The following OTOGL variants were observed in gnomAD, a reference collection of about 807,000 sequenced individuals.
OTOGL encodes the protein otogelin-like protein.
Under a neutral mutation model 318.5 loss-of-function variants are expected in OTOGL, and 285 were observed. That is an observed-to-expected ratio of 0.89 (90% CI 0.81 to 0.99). The LOEUF is 0.99. OTOGL is among the 50% of genes least tolerant of loss of function. The pLI is 0.00. For synonymous variants in OTOGL, 987 were observed against 936.5 expected (o/e 1.05, Z -0.99); for missense variants, 2,899 against 2,845.6 (o/e 1.02, Z -0.43).
At chr12:80,252,913 TAA>T (rs887084028) in intron 13 of OTOGL, among the ~76,000 whole-genome samples, 1 of 152,166 alleles carries the variant, frequency 6.6e-6, no homozygotes, top group Non-Finnish European at 1.5e-5. Flanking sequence ...AGCACCAAAA[TAA>T]AGTCAGTGCT....
At chr12:80,192,059 T>C (rs1417548781) in intron 1 of OTOGL, among the ~76,000 whole-genome samples, 3 of 152,264 alleles carry the variant, frequency 2.0e-5, no homozygotes, top group Non-Finnish European at 4.4e-5. Flanking sequence ...GTATCAAGAC[T>C]GATCCTAACC....
chr12:80,136,801 A>T lies in OTOGL; in HGVS notation c.-20+37196A>T, dbSNP rs7311459. 7.0e-3 allele frequency among the ~76,000 whole-genome samples: 1,069 copies of T among 152,106 alleles called. 12 individuals are homozygous for T. The highest frequency in any genetic ancestry group is 0.027 in the Middle Eastern group (8 of 294). ...CTCTGTTTTTTTCTCTATTTTTTTT[A>T]AAATAGTATTTGTCAGCATCTGATA... On this transcript the variant is annotated intron_variant, in intron 1 of 58. Transcript: ENST00000547103.
At chr12:80,284,266 T>C (rs1458936299) in intron 26 of OTOGL, among the ~76,000 whole-genome samples, 1 of 152,218 alleles carries the variant, frequency 6.6e-6, no homozygotes, top group Non-Finnish European at 1.5e-5. Context: ...ATTTTCCTTG[T>C]CCAGTCTGTC....
chr12:80,174,751 G>A (rs1296415502), intron 1 of OTOGL, among the ~76,000 whole-genome samples: 1 of 152,038 alleles, frequency 6.6e-6, no homozygotes, highest in African/African-American at 2.4e-5. Context: ...CTTCTCCCCA[G>A]TGAGCAGAAG....
Position 80,314,318 on chromosome 12 carries a change from A to C in OTOGL, c.3621A>C (p.Glu1207Asp). Residue 1207 changes from glutamate (E) to aspartate (D), a missense_variant, in exon 32 of 59, where the codon GAA becomes GAC. Coordinates refer to ENST00000547103, the MANE Select transcript of OTOGL (RefSeq NM_001378609.3). ...TTTTTCTTTTAGCACTTGATTGTGA[A>C]TACTACAATGAAGGTATGTGACATT... ...RSSTVCSLDC[E>D]YYNEGLGEGP... is the part of the protein sequence containing the mutation. 1 of 1,050,864 alleles carries C rather than the reference A, an allele frequency of 9.5e-7. No individual in the cohort carries two copies. The highest frequency in any genetic ancestry group is 3.4e-5 in the Admixed American group (1 of 29,064). The allele number at this position is 1,050,864 out of a possible 1,614,324, so 65.1% of individuals were successfully genotyped here.
At chr12:80,357,008 C>T (rs1592751475) in intron 49 of OTOGL, 94 bp downstream of exon 49, 1 of 640,820 alleles carries the variant, frequency 1.6e-6, no homozygotes, top group East Asian at 3.1e-5. Flanking sequence ...TGATGGCAAG[C>T]AATATTCTGA....
intron 26 of OTOGL, among the ~76,000 whole-genome samples, chr12:80,292,315 A>G (rs778599272): frequency 5.9e-5 from 9 of 152,240 alleles, no homozygotes; most frequent in Non-Finnish European, 1.0e-4. Context: ...TTAGAAAACA[A>G]AACGTAAAGA....
At chr12:80,337,233 G>T (rs1346153687) in intron 42 of OTOGL, among the ~76,000 whole-genome samples, 11 of 151,958 alleles carry the variant, frequency 7.2e-5, no homozygotes, top group African/African-American at 2.7e-4. Context: ...CAGGGACCAT[G>T]TTAAATACAC....
intron 25 of OTOGL, among the ~76,000 whole-genome samples, chr12:80,278,708 T>G (rs1883990615): frequency 6.6e-6 from 1 of 151,724 alleles, no homozygotes; most frequent in Non-Finnish European, 1.5e-5. Flanking sequence ...TTAAATTTAC[T>G]CAAATATGGG....
At chr12:80,251,933 A>T (rs1437537691) in intron 12 of OTOGL, 134 bp downstream of exon 12, 3 of 1,189,464 alleles carry the variant, frequency 2.5e-6, no homozygotes, top group Non-Finnish European at 3.4e-6. Context: ...GAACTTGCAT[A>T]CTTTTTGAAA....
intron 38 of OTOGL, among the ~76,000 whole-genome samples, chr12:80,334,975 TAA>T (rs1888301079): frequency 6.6e-6 from 1 of 152,276 alleles, no homozygotes; most frequent in African/African-American, 2.4e-5. Flanking sequence ...AGTGCTCACT[TAA>T]GAGTCTTACT....
At chr12:80,308,043 G>T (rs1408754511) in intron 29 of OTOGL, among the ~76,000 whole-genome samples, 2 of 140,922 alleles carry the variant, frequency 1.4e-5, no homozygotes. Context: ...GGCCGCGCGG[G>T]GGGCTGATCC....
At chr12:80,369,499 T>G in intron 55 of OTOGL, among the ~76,000 whole-genome samples, 1 of 152,064 alleles carries the variant, frequency 6.6e-6, no homozygotes, top group Middle Eastern at 3.2e-3. Context: ...AACCATAAAG[T>G]GTCAACATCC....
rs531132806 is a variant in OTOGL at position 80,288,836 on chromosome 12, G to T, written c.2929-7991G>T. On this transcript the variant is annotated intron_variant, in intron 26 of 58. Transcript: ENST00000547103. Reference sequence around the variant, plus strand: ...TTCTTAGCTTCTTTGCATTGATTGGGTTAGAACATACTCTTTTAGCTCTGA... The same window carrying T: ...TTCTTAGCTTCTTTGCATTGATTGGTTTAGAACATACTCTTTTAGCTCTGA... Among the ~76,000 whole-genome samples the T allele has an allele frequency of 2.8e-3, 426 of 151,976 alleles. 3 individuals carry two copies. The highest frequency in any genetic ancestry group is 1.0e-2 in the African/African-American group (413 of 41,452).
intron 18 of OTOGL, among the ~76,000 whole-genome samples, chr12:80,261,749 G>T (rs1882542721): frequency 6.6e-6 from 1 of 152,082 alleles, no homozygotes; most frequent in African/African-American, 2.4e-5. Flanking sequence ...TTGAGATGAA[G>T]ATTAAATAAA....
chr12:80,271,623 A>G, intron 23 of OTOGL, 25 bp from the exon 24 acceptor site: 1 of 1,604,608 alleles, frequency 6.2e-7, no homozygotes, highest in East Asian at 2.2e-5. Flanking sequence ...AGTTAAGGAC[A>G]TTTTGTCTGT....
intron 24 of OTOGL, among the ~76,000 whole-genome samples, chr12:80,276,167 G>A (rs1883791605): frequency 6.6e-6 from 1 of 151,776 alleles, no homozygotes; most frequent in African/African-American, 2.4e-5. Context: ...GGGGATATAA[G>A]AATTGTGGTT....
At chr12:80,361,585 T>A (rs1266407434) in intron 52 of OTOGL, among the ~76,000 whole-genome samples, 7 of 152,216 alleles carry the variant, frequency 4.6e-5, no homozygotes, top group Non-Finnish European at 1.0e-4. Context: ...ACTATGCTAA[T>A]TTACATTCCC....
intron 7 of OTOGL, among the ~76,000 whole-genome samples, chr12:80,224,848 A>T (rs915307328): frequency 1.3e-5 from 2 of 152,180 alleles, no homozygotes; most frequent in South Asian, 4.1e-4. Flanking sequence ...CTGGGTGACT[A>T]TAGTCAATAA....
Sources: gnomAD v4.1 joint callset for allele counts (sites outside exome capture counted in the v4.1 genomes callset) on GRCh38, gnomAD v4.1.1 for gene constraint, MANE v1.5 for transcripts, NCBI Gene and HGNC (gene_info 2026-07-23, HGNC 2026-07-21) for gene names.